The following RFPL1 variants were observed in gnomAD, a reference collection of about 807,000 sequenced individuals.
The protein encoded by RFPL1 is ret finger protein like 1.
Under a neutral mutation model 9.6 loss-of-function variants are expected in RFPL1, and 6 were observed. The ratio of observed to expected loss-of-function variants is 0.62; its 90% CI spans 0.34 to 1.23. RFPL1 has a LOEUF of 1.23. RFPL1 is among the 50% of genes most tolerant of loss of function. RFPL1 has a pLI of 0.03. For missense variants in RFPL1, 352 were observed against 398.4 expected (o/e 0.88, Z 0.99); for synonymous variants, 145 against 149.4 (o/e 0.97, Z 0.22).
the RFPL1 span, among the ~76,000 whole-genome samples, chr22:29,420,634 C>CTTTTTTTTTTTTTTTTTTTTTTTTTTTT: frequency 1.9e-4 from 10 of 53,436 alleles, 5 homozygotes; most frequent in African/African-American, 2.4e-4. Flanking sequence ...TGGTTTTTTG[C>CTTTTTTTTTTTTTTTTTTTTTTTTTTTT]TTTTTTTTTT....
the RFPL1 span, among the ~76,000 whole-genome samples, chr22:29,426,938 G>C: frequency 1.1e-4 from 17 of 152,306 alleles, no homozygotes; most frequent in Non-Finnish European, 2.5e-4. Context: ...CCATTGAGAA[G>C]GTGGAGACGA....
chr22:29,437,511 A>G, upstream of RFPL1: 1 of 1,112,730 alleles, frequency 9.0e-7, no homozygotes, highest in Admixed American at 2.3e-5. Context: ...AGGATGAAGG[A>G]TTTACTAAAG....
the RFPL1 span, among the ~76,000 whole-genome samples, chr22:29,410,479 T>G: frequency 9.2e-6 from 1 of 108,980 alleles, no homozygotes; most frequent in South Asian, 2.5e-4. Flanking sequence ...TATAGATATA[T>G]ATATTGTAGA....
chr22:29,391,633 G>A, the RFPL1 span, among the ~76,000 whole-genome samples: 2 of 152,190 alleles, frequency 1.3e-5, no homozygotes, highest in African/African-American at 4.8e-5. Context: ...TCACAGCACC[G>A]GGCGGCTCAG....
At chr22:29,403,929 G>A in the RFPL1 span, among the ~76,000 whole-genome samples, 6 of 152,332 alleles carry the variant, frequency 3.9e-5, no homozygotes, top group East Asian at 5.8e-4. Context: ...ATTTTATCCC[G>A]AGGGTATACT....
chr22:29,411,024 A>G, the RFPL1 span, among the ~76,000 whole-genome samples: 1 of 152,178 alleles, frequency 6.6e-6, no homozygotes, highest in African/African-American at 2.4e-5. Context: ...GGGTCATTAC[A>G]GAGTGGGCCA....
exon 2 of RFPL1, chr22:29,442,028 G>T (rs201488181): frequency 6.2e-7 from 1 of 1,613,936 alleles, no homozygotes; most frequent in African/African-American, 1.3e-5. Context: ...GCTCCTCCAA[G>T]TCCACCTAAT....
chr22:29,437,557 C>A (rs141698218), upstream of RFPL1: 1,804 of 1,496,968 alleles, frequency 1.2e-3, 14 homozygotes, highest in African/African-American at 0.022. Flanking sequence ...CAGTAAAAAC[C>A]TAATTCCCTG....
chr22:29,418,887 G>T, the RFPL1 span, among the ~76,000 whole-genome samples: 1 of 152,146 alleles, frequency 6.6e-6, no homozygotes, highest in Non-Finnish European at 1.5e-5. Flanking sequence ...GTTTCTGAGA[G>T]GGTTCATGCC....
chr22:29,402,026 C>T, the RFPL1 span, among the ~76,000 whole-genome samples: 1 of 152,168 alleles, frequency 6.6e-6, no homozygotes, highest in Non-Finnish European at 1.5e-5. Flanking sequence ...TTAAAATCCA[C>T]ATCAAAAAAC....
At chr22:29,395,380 A>G in the RFPL1 span, among the ~76,000 whole-genome samples, 2 of 152,032 alleles carry the variant, frequency 1.3e-5, no homozygotes, top group South Asian at 2.1e-4. Flanking sequence ...GGCTTTGTCC[A>G]TAGCCTCAGG....
the RFPL1 span, among the ~76,000 whole-genome samples, chr22:29,422,787 A>G: frequency 7.1e-6 from 1 of 139,866 alleles, no homozygotes; most frequent in Admixed American, 7.1e-5. Flanking sequence ...ACACACAGGT[A>G]CATGGACGGA....
exon 2 of RFPL1, chr22:29,442,318 T>C (rs915540895): frequency 2.3e-6 from 1 of 431,166 alleles, no homozygotes; most frequent in East Asian, 3.3e-5. Flanking sequence ...ATCCAACTCA[T>C]TGAGTCTTAT....
the RFPL1 span, among the ~76,000 whole-genome samples, chr22:29,425,729 G>A: frequency 1.3e-5 from 2 of 152,078 alleles, no homozygotes; most frequent in Non-Finnish European, 2.9e-5. Flanking sequence ...CACTTTGGGA[G>A]GCCGCGGTGG....
the RFPL1 span, among the ~76,000 whole-genome samples, chr22:29,390,797 C>G: frequency 6.6e-6 from 1 of 150,434 alleles, no homozygotes; most frequent in Admixed American, 6.6e-5. Context: ...CGGGGTTTCA[C>G]CGTTGTTAGC....
chr22:29,420,580 C>T, the RFPL1 span, among the ~76,000 whole-genome samples: 1 of 150,050 alleles, frequency 6.7e-6, no homozygotes, highest in South Asian at 2.1e-4. Context: ...CTGCCCTCCT[C>T]AGCCTCCCAA....
exon 2 of RFPL1, chr22:29,442,115 C>G (rs777821147): frequency 1.3e-6 from 2 of 1,525,360 alleles, no homozygotes; most frequent in Non-Finnish European, 1.8e-6. Context: ...CCTGGGGAGG[C>G]CAAATAAGCC....
At chr22:29,431,904 G>T in the RFPL1 span, among the ~76,000 whole-genome samples, 1 of 151,996 alleles carries the variant, frequency 6.6e-6, no homozygotes, top group Non-Finnish European at 1.5e-5. Context: ...ATGTTGGTCA[G>T]GCTGGTCTTG....
the RFPL1 span, among the ~76,000 whole-genome samples, chr22:29,428,934 T>C: frequency 6.6e-6 from 1 of 151,966 alleles, no homozygotes; most frequent in Non-Finnish European, 1.5e-5. Flanking sequence ...CTCATAGAAC[T>C]TGAAAAGCAA....
Sources: allele counts gnomAD v4.1 joint callset (sites outside exome capture counted in the v4.1 genomes callset), GRCh38; gene constraint gnomAD v4.1.1; transcripts MANE v1.5; gene names NCBI Gene and HGNC (gene_info 2026-07-23, HGNC 2026-07-21).